FAT3: variants seen among roughly 807,000 people sequenced by gnomAD.
FAT3 encodes the protein protocadherin Fat 3.
FAT3 carries 95 observed loss-of-function variants against 310.2 expected under a neutral mutation model. The observed-to-expected ratio is 0.31, with a 90% CI of 0.26 to 0.36. The LOEUF (loss-of-function observed/expected upper bound fraction) is 0.36. FAT3 is among the 10% of genes least tolerant of loss of function. FAT3 has a pLI of 1.00. For synonymous variants in FAT3, 2,314 were observed against 2,192.9 expected (o/e 1.06, Z -1.54); for missense variants, 5,408 against 5,715.6 (o/e 0.95, Z 1.74).
chr11:92,652,126 T>G (rs1942402108), intron 3 of FAT3, among the ~76,000 whole-genome samples: 1 of 152,116 alleles, frequency 6.6e-6, no homozygotes, highest in South Asian at 2.1e-4. Context: ...ATATACATAT[T>G]GAAACACAGG....
intron 3 of FAT3, among the ~76,000 whole-genome samples, chr11:92,635,106 GTCT>G (rs1941713952): frequency 6.6e-6 from 1 of 152,200 alleles, no homozygotes; most frequent in African/African-American, 2.4e-5. Context: ...CCAGTCTGTG[GTCT>G]TTGGTGATGG....
At chr11:92,889,357 G>T in intron 26 of FAT3, 109 bp downstream of exon 26, 1 of 500,012 alleles carries the variant, frequency 2.0e-6, no homozygotes. Flanking sequence ...TAAACAGCTG[G>T]TTTCTGATGA....
Position 92,352,786 on chromosome 11 carries a change from A to G in FAT3, c.674A>G (p.Asn225Ser), listed in dbSNP as rs1789571847. ...GGTCGATTAAATTATGATGAAAAGA[A>G]TAGGTATGATCTGGAAATTTTGGCT... ...LSGRLNYDEK[N>S]RYDLEILAVD... Residue 225 changes from asparagine (N) to serine (S), a missense_variant, in exon 2 of 28, where the codon AAT becomes AGT. Transcript: ENST00000525166. The G allele has an allele frequency of 2.5e-6, 4 of 1,613,770 alleles. No homozygotes were observed. Among genetic ancestry groups the G allele is most frequent in the Non-Finnish European group, 3.4e-6 (4 of 1,179,878 alleles).
intron 4 of FAT3, among the ~76,000 whole-genome samples, chr11:92,720,632 ATG>A (rs1187744800): frequency 6.6e-6 from 1 of 152,196 alleles, no homozygotes; most frequent in African/African-American, 2.4e-5. Context: ...ACTTTTAGAA[ATG>A]TGCCACGTAC....
intron 2 of FAT3, among the ~76,000 whole-genome samples, chr11:92,375,612 G>A (rs1170083902): frequency 6.6e-6 from 1 of 152,124 alleles, no homozygotes; most frequent in Non-Finnish European, 1.5e-5. Flanking sequence ...TTTTGTTCAA[G>A]GCTGTCTTGA....
At chr11:92,866,657 C>T in intron 21 of FAT3, 84 bp from the exon 22 acceptor site, 2 of 1,260,808 alleles carry the variant, frequency 1.6e-6, no homozygotes, top group East Asian at 5.1e-5. Context: ...CTTGTGAAGC[C>T]CCCGGGCCGG....
At chr11:92,700,506 C>T (rs1213978047) in intron 4 of FAT3, among the ~76,000 whole-genome samples, 4 of 152,050 alleles carry the variant, frequency 2.6e-5, no homozygotes, top group African/African-American at 9.7e-5. Flanking sequence ...TATAGAGATC[C>T]AGGTGAGAGA....
chr11:92,869,112 G>T (rs1024233170), intron 22 of FAT3, among the ~76,000 whole-genome samples: 1 of 152,148 alleles, frequency 6.6e-6, no homozygotes, highest in African/African-American at 2.4e-5. Context: ...AGGAGAAATA[G>T]CCTCTTATCA....
intron 2 of FAT3, among the ~76,000 whole-genome samples, chr11:92,465,994 T>TTTATACTATTAATAATA (rs1951750515): frequency 2.0e-5 from 3 of 152,286 alleles, no homozygotes; most frequent in African/African-American, 7.2e-5. Flanking sequence ...TATTAATAAG[T>TTTATACTATTAATAATA]GTTGAAAAGC....
chr11:92,805,555 TA>T (rs1947481238), intron 11 of FAT3, among the ~76,000 whole-genome samples: 1 of 139,310 alleles, frequency 7.2e-6, no homozygotes. Flanking sequence ...CCTAATTTTG[TA>T]CCCTGCCCCC....
intron 1 of FAT3, among the ~76,000 whole-genome samples, chr11:92,296,832 C>G (rs1025000520): frequency 6.6e-6 from 1 of 152,028 alleles, no homozygotes; most frequent in Admixed American, 6.6e-5. Flanking sequence ...CTAGCATTCC[C>G]CAGGCTCAGA....
intron 3 of FAT3, among the ~76,000 whole-genome samples, chr11:92,629,202 G>A (rs1941454960): frequency 6.6e-6 from 1 of 152,164 alleles, no homozygotes; most frequent in African/African-American, 2.4e-5. Context: ...ATTAATCAGT[G>A]CAACTGGAAA....
chr11:92,666,582 G>T lies in FAT3; in HGVS notation c.3608-30802G>T, dbSNP rs564829333. On this transcript the variant is annotated intron_variant, in intron 3 of 27. Coordinates refer to ENST00000525166, the MANE Select transcript of FAT3 (RefSeq NM_001367949.2). ...TCACCATGTTAGCCAGGATGGTCTCGATCTCCTGACCTCGTGATCCGCCTG... is the reference window on the plus strand; with the variant it reads ...TCACCATGTTAGCCAGGATGGTCTCTATCTCCTGACCTCGTGATCCGCCTG... Among the ~76,000 whole-genome samples, 16 of 150,130 alleles carry T rather than the reference G, an allele frequency of 1.1e-4. No homozygotes were observed. The South Asian group carries it at 3.4e-3, about 32-fold the overall frequency.
At chr11:92,469,123 T>C (rs1157026560) in intron 2 of FAT3, among the ~76,000 whole-genome samples, 1 of 152,172 alleles carries the variant, frequency 6.6e-6, no homozygotes, top group Admixed American at 6.6e-5. Context: ...GGTCATTGTA[T>C]ATGTTACTGA....
In FAT3 at chr11:92,353,694, A is replaced by G. The variant is rs768595693; in HGVS notation, c.1582A>G (p.Ile528Val). The change falls in exon 2 of 28, where the codon ATT becomes GTT. Residue 528 changes from isoleucine to valine, a missense_variant. This residue lies in a region of FAT3 where 4,588 missense variants were observed against 4,809.8 expected (regional missense o/e 0.95). Coordinates refer to ENST00000525166, the MANE Select transcript of FAT3 (RefSeq NM_001367949.2). ...TGTCATTAATCAGTTTACAGGTGTT[A>G]TTAGCACAACTGAAGAACTGGATTT... is the stretch of plus-strand genomic sequence containing the variant. Reference protein sequence around the residue: ...PFVINQFTGVISTTEELDFES... With the variant: ...PFVINQFTGVVSTTEELDFES... 26 of 1,613,846 alleles carry G rather than the reference A, an allele frequency of 1.6e-5. 2 individuals are homozygous for G. The South Asian group carries it at 2.9e-4, about 18-fold the overall frequency.
At chr11:92,644,858 T>C in intron 3 of FAT3, among the ~76,000 whole-genome samples, 1 of 152,206 alleles carries the variant, frequency 6.6e-6, no homozygotes, top group Admixed American at 6.5e-5. Context: ...TATGTCTCCA[T>C]GTAGTGATTC....
rs182259365 is a variant in FAT3, at chr11:92,754,524, A to G, written c.3670-7332A>G. On this transcript the variant is annotated intron_variant, in intron 4 of 27. Transcript: ENST00000525166. ...GTGCCTGTAGTCCCAGCTACTCGGG[A>G]GGCTGAGGCAGGAGAATGGCGTGAA... Among the ~76,000 whole-genome samples, 1,243 of 149,048 alleles carry G rather than the reference A, an allele frequency of 8.3e-3. 27 individuals are homozygous for G. Among genetic ancestry groups the G allele is most frequent in the African/African-American group, 0.029 (1,184 of 40,474 alleles).
At position 92,306,735 on chromosome 11, in the gene FAT3, TTATA is replaced by T. The variant is rs573092831; in HGVS notation, c.-17-45356_-17-45353del. On this transcript the variant is annotated intron_variant, in intron 1 of 27. Coordinates refer to ENST00000525166, the MANE Select transcript of FAT3 (RefSeq NM_001367949.2). ...ATATATTTATATATTATATATATAT[TTATA>T]TATAAATATATATAAATATATATAT... Among the ~76,000 whole-genome samples the T allele has an allele frequency of 7.3e-5, 9 of 123,128 alleles. 1 individual carries two copies. Among genetic ancestry groups the T allele is most frequent in the Middle Eastern group, 3.4e-3 (1 of 296 alleles). 80.8% of individuals were successfully genotyped at this position (123,128 alleles called of 152,430 possible).
intron 1 of FAT3, among the ~76,000 whole-genome samples, chr11:92,236,892 A>G (rs55851882): frequency 0.038 from 5,835 of 152,210 alleles, 326 homozygotes; most frequent in African/African-American, 0.12. Context: ...TGATTGTTTT[A>G]GGCCTTTATT....
Sources: allele counts gnomAD v4.1 joint callset (sites outside exome capture counted in the v4.1 genomes callset), GRCh38; gene constraint gnomAD v4.1.1; regional missense constraint gnomAD v4.1.1; transcripts MANE v1.5; gene names NCBI Gene and HGNC (gene_info 2026-07-23, HGNC 2026-07-21).